The following SNTB1 variants were observed in gnomAD, a reference collection of about 807,000 sequenced individuals.
SNTB1 encodes the protein syntrophin beta 1, also known as beta-1-syntrophin.
In SNTB1, 36 loss-of-function variants were observed where a neutral mutation model predicts 48.9. The observed-to-expected ratio is 0.74, with a 90% CI of 0.56 to 0.97. The LOEUF (loss-of-function observed/expected upper bound fraction) is 0.97, where lower values mean the gene tolerates loss of function less well. Ranked by LOEUF, SNTB1 falls within the 50% of genes least tolerant of loss-of-function variation. SNTB1 has a pLI of 0.00. For missense variants in SNTB1, 786 were observed against 703.4 expected (o/e 1.12, Z -1.33); for synonymous variants, 299 against 294.6 (o/e 1.01, Z -0.15).
At chr8:120,663,674 G>C (rs1344497724) in intron 2 of SNTB1, among the ~76,000 whole-genome samples, 1 of 152,088 alleles carries the variant, frequency 6.6e-6, no homozygotes, top group East Asian at 1.9e-4. Flanking sequence ...GGACAAACAG[G>C]AGGCAGCGTG....
At chr8:120,737,828 C>T (rs552145510) in intron 1 of SNTB1, among the ~76,000 whole-genome samples, 86 of 152,178 alleles carry the variant, frequency 5.7e-4, no homozygotes, top group Non-Finnish European at 1.2e-3. Flanking sequence ...CTTAGGTCTC[C>T]TAAGAAGGCA....
At chr8:120,665,010 G>A (rs1817651001) in intron 2 of SNTB1, among the ~76,000 whole-genome samples, 1 of 152,206 alleles carries the variant, frequency 6.6e-6, no homozygotes, top group Admixed American at 6.5e-5. Context: ...TAATTTGCAT[G>A]TGTGCATTGA....
chr8:120,691,706 C>T (rs1415652010), intron 2 of SNTB1, among the ~76,000 whole-genome samples: 1 of 152,066 alleles, frequency 6.6e-6, no homozygotes, highest in African/African-American at 2.4e-5. Context: ...AGTTATTGAA[C>T]ATGGCAACTA....
chr8:120,808,845 TA>T (rs1327248699), intron 1 of SNTB1, among the ~76,000 whole-genome samples: 4 of 152,126 alleles, frequency 2.6e-5, no homozygotes, highest in African/African-American at 9.7e-5. Flanking sequence ...GTTGGAGTAC[TA>T]AACTAATCTC....
Position 120,618,223 on chromosome 8 carries a change from G to A in SNTB1, c.996+14221C>T, listed in dbSNP as rs570663037. ...TGGAAATAAATTATAGCATGCACAGGTCTGTATTTGAAATTCTTAGGTTCC... is the reference window on the plus strand; with the variant it reads ...TGGAAATAAATTATAGCATGCACAGATCTGTATTTGAAATTCTTAGGTTCC... On this transcript the variant is annotated intron_variant, in intron 3 of 6. Transcript: ENST00000517992. 2.0e-5 allele frequency among the ~76,000 whole-genome samples: 3 copies of A among 152,150 alleles called. No homozygotes were observed. In the South Asian group the frequency reaches 6.2e-4, roughly 32 times the overall value.
chr8:120,582,508 T>C (rs1816064487), intron 3 of SNTB1, among the ~76,000 whole-genome samples: 1 of 152,044 alleles, frequency 6.6e-6, no homozygotes, highest in Admixed American at 6.6e-5. Flanking sequence ...TTTTTTGAGA[T>C]CATGATCAAT....
At position 120,541,808 on chromosome 8, in the gene SNTB1, A is replaced by G; in HGVS notation, c.1524+2T>C. The stretch of plus-strand genomic sequence containing the variant: ...ACACTGTCTAAAGAAAAGTACACTT[A>G]CAATCTCTCCATCTTTGCCTCCAAA... On this transcript the variant is annotated splice_donor_variant, in intron 6 of 6. Transcript: ENST00000517992. LOFTEE classifies it high-confidence loss of function. 6.2e-7 allele frequency: 1 copy of G among 1,605,998 alleles called. No individual in the cohort carries two copies. Among genetic ancestry groups the G allele is most frequent in the Non-Finnish European group, 8.5e-7 (1 of 1,175,048 alleles).
chr8:120,613,337 G>A (rs1401416610), intron 3 of SNTB1, among the ~76,000 whole-genome samples: 1 of 134,220 alleles, frequency 7.5e-6, no homozygotes, highest in African/African-American at 2.8e-5. Context: ...GGCAACAAGA[G>A]TGCAGCTCCA....
chr8:120,574,538 T>G (rs911912285), intron 4 of SNTB1, among the ~76,000 whole-genome samples: 11 of 152,172 alleles, frequency 7.2e-5, no homozygotes, highest in African/African-American at 2.7e-4. Flanking sequence ...CGTGATGAAG[T>G]GCTTTTTAAA....
At chr8:120,689,930 A>G (rs1046583947) in intron 2 of SNTB1, among the ~76,000 whole-genome samples, 1 of 152,148 alleles carries the variant, frequency 6.6e-6, no homozygotes, top group Non-Finnish European at 1.5e-5. Context: ...TGTATTCTCT[A>G]TTATCAGAGT....
chr8:120,783,835 T>C (rs1186217590), intron 1 of SNTB1, among the ~76,000 whole-genome samples: 1 of 152,160 alleles, frequency 6.6e-6, no homozygotes, highest in Non-Finnish European at 1.5e-5. Context: ...TTTTTACCAA[T>C]AAAATTATTT....
At chr8:120,802,525 G>A (rs895063537) in intron 1 of SNTB1, among the ~76,000 whole-genome samples, 15 of 152,104 alleles carry the variant, frequency 9.9e-5, no homozygotes, top group Admixed American at 7.2e-4. Context: ...ATACACCCGT[G>A]TGGAATCATA....
chr8:120,732,655 G>A (rs916209603), intron 1 of SNTB1, among the ~76,000 whole-genome samples: 2 of 152,142 alleles, frequency 1.3e-5, no homozygotes, highest in Non-Finnish European at 2.9e-5. Context: ...GACCAGCCTG[G>A]CCAACATGGG....
At chr8:120,645,033 G>A (rs920703453) in intron 2 of SNTB1, among the ~76,000 whole-genome samples, 1 of 148,048 alleles carries the variant, frequency 6.8e-6, no homozygotes, top group African/African-American at 2.5e-5. Flanking sequence ...TTGTAAATTT[G>A]TTTGAGTTCA....
chr8:120,539,817 G>A (rs1159093895), intron 6 of SNTB1, among the ~76,000 whole-genome samples: 7 of 152,152 alleles, frequency 4.6e-5, no homozygotes, highest in South Asian at 2.1e-4. Flanking sequence ...GCCAGGTACT[G>A]TACTAAATAT....
chr8:120,638,316 G>C (rs990124443), intron 2 of SNTB1: 1 of 152,148 alleles, frequency 6.6e-6, no homozygotes, highest in Admixed American at 6.6e-5. Flanking sequence ...CCCACTATCC[G>C]TCTCAGTGCC....
chr8:120,691,965 G>A (rs12547868), intron 2 of SNTB1, among the ~76,000 whole-genome samples: 8,513 of 152,194 alleles, frequency 0.056, 668 homozygotes, highest in East Asian at 0.38. Context: ...CCAGGATATC[G>A]ACTGCAGGCC....
intron 6 of SNTB1, among the ~76,000 whole-genome samples, chr8:120,539,681 A>G (rs1031430119): frequency 6.6e-6 from 1 of 152,198 alleles, no homozygotes; most frequent in Non-Finnish European, 1.5e-5. Flanking sequence ...AATTTAGGGA[A>G]ATTGGGAGAG....
chr8:120,621,255 C>G (rs995078282), intron 3 of SNTB1, among the ~76,000 whole-genome samples: 2 of 152,182 alleles, frequency 1.3e-5, no homozygotes, highest in African/African-American at 4.8e-5. Context: ...CCACCATGCC[C>G]GGCCTTTATT....
Sources: gnomAD v4.1 joint callset for allele counts (sites outside exome capture counted in the v4.1 genomes callset) on GRCh38, gnomAD v4.1.1 for gene constraint, MANE v1.5 for transcripts, NCBI Gene and HGNC (gene_info 2026-07-23, HGNC 2026-07-21) for gene names.